The following CNGA3 variants were observed in gnomAD, a reference collection of about 807,000 sequenced individuals.
CNGA3 encodes cyclic nucleotide-gated channel alpha-3.
In CNGA3, 42 loss-of-function variants were observed where a neutral mutation model predicts 46.6. The observed-to-expected ratio is 0.90, with a 90% CI of 0.70 to 1.17. CNGA3 has a LOEUF of 1.17. Ranked by LOEUF, CNGA3 falls within the 50% of genes most tolerant of loss-of-function variation. The pLI, the probability that CNGA3 is intolerant of heterozygous loss-of-function variation, is 0.00. For missense variants in CNGA3, 893 were observed against 890.7 expected (o/e 1.00, Z -0.03); for synonymous variants, 394 against 369.4 (o/e 1.07, Z -0.76).
At chr2:98,385,817 A>C (rs1025248525) in intron 5 of CNGA3, among the ~76,000 whole-genome samples, 1 of 152,138 alleles carries the variant, frequency 6.6e-6, no homozygotes, top group African/African-American at 2.4e-5. Flanking sequence ...TCATGGTGGA[A>C]GGCAAAGGGG....
chr2:98,395,695 A>C (rs1692893798), intron 7 of CNGA3, 149 bp from the exon 8 acceptor site: 1 of 679,724 alleles, frequency 1.5e-6, no homozygotes, highest in African/African-American at 1.8e-5. Context: ...CATTTCCTGT[A>C]GTAATGGTAA....
At chr2:98,361,867 C>G (rs1692041975) in intron 1 of CNGA3, among the ~76,000 whole-genome samples, 1 of 151,946 alleles carries the variant, frequency 6.6e-6, no homozygotes, top group Admixed American at 6.5e-5. Context: ...GCCACCACCC[C>G]CAGAGAATTT....
intron 5 of CNGA3, among the ~76,000 whole-genome samples, chr2:98,386,476 G>A (rs977367677): frequency 3.3e-5 from 5 of 152,272 alleles, no homozygotes; most frequent in South Asian, 2.1e-4. Flanking sequence ...GACTCTTTGC[G>A]TGCCGCCACG....
intron 7 of CNGA3, among the ~76,000 whole-genome samples, chr2:98,393,288 G>T (rs1692833441): frequency 6.6e-6 from 1 of 152,170 alleles, no homozygotes; most frequent in Non-Finnish European, 1.5e-5. Flanking sequence ...AACACCAGCA[G>T]ATCACAGTAG....
chr2:98,390,966 T>A (rs1574386457), intron 6 of CNGA3, among the ~76,000 whole-genome samples: 1 of 151,946 alleles, frequency 6.6e-6, no homozygotes, highest in East Asian at 1.9e-4. Flanking sequence ...GTATGCAAAA[T>A]GAGGATGCAG....
chr2:98,391,973 G>A lies in CNGA3; in HGVS notation c.673+3G>A. The A allele has an allele frequency of 6.2e-7, 1 of 1,613,320 alleles. No homozygotes were observed. The highest frequency in any genetic ancestry group is 8.5e-7 in the Non-Finnish European group (1 of 1,179,690). On this transcript the variant is annotated splice_donor_region_variant and intron_variant, in intron 7 of 7. Coordinates refer to ENST00000272602, the MANE Select transcript of CNGA3 (RefSeq NM_001298.3). ...TGTGCTTGTACGAGCTCGGACAGGT[G>A]AGTGTGCCCCAGGCCTGGGGAGGGG...
intron 1 of CNGA3, among the ~76,000 whole-genome samples, chr2:98,367,028 A>C (rs1240427517): frequency 6.6e-6 from 1 of 152,052 alleles, no homozygotes; most frequent in Non-Finnish European, 1.5e-5. Flanking sequence ...CCAGGTGGGC[A>C]GGCGCTCCAC....
rs747895951 is a variant in CNGA3, at chr2:98,396,656, C to G, written c.1486C>G (p.Leu496Val). Residue 496 changes from leucine to valine, a missense_variant, in exon 8 of 8, where the codon CTG becomes GTG. By Grantham distance (32) the Leu-to-Val change is conservative (BLOSUM62 1). Around this residue, in one of 3 missense-constraint regions of CNGA3, gnomAD observed 548 missense variants for 570.8 expected, o/e 0.96. Transcript: ENST00000272602. ...GGCAGGGCTGCTGGTGGAGCTGGTGCTGAAGCTGCGACCCACTGTGTTCAG... is the reference window on the plus strand; with the variant it reads ...GGCAGGGCTGCTGGTGGAGCTGGTGGTGAAGCTGCGACCCACTGTGTTCAG... ...CEAGLLVELV[L>V]KLRPTVFSPG... 1.9e-6 allele frequency: 3 copies of G among 1,613,988 alleles called. No homozygotes were observed. The African/African-American group carries it at 4.0e-5, about 22-fold the overall frequency.
chr2:98,357,198 T>C (rs1315076127), intron 1 of CNGA3, among the ~76,000 whole-genome samples: 3 of 152,156 alleles, frequency 2.0e-5, no homozygotes, highest in African/African-American at 7.2e-5. Context: ...AGTACAAGAA[T>C]AACTGGAATA....
chr2:98,366,447 CG>C (rs1692153822), intron 1 of CNGA3, among the ~76,000 whole-genome samples: 1 of 152,142 alleles, frequency 6.6e-6, no homozygotes, highest in South Asian at 2.1e-4. Flanking sequence ...GCTGCACTTG[CG>C]GGGGATCCCA....
At chr2:98,379,018 G>C (rs1402617615) in intron 3 of CNGA3, among the ~76,000 whole-genome samples, 3 of 152,222 alleles carry the variant, frequency 2.0e-5, no homozygotes, top group African/African-American at 7.2e-5. Flanking sequence ...AGAGGCCTGA[G>C]TGGCTCTCTG....
Position 98,396,559 on chromosome 2 carries a change from G to A in CNGA3, c.1389G>A (p.Lys463=). ...AGGTGCTCAAGAGCCTCCCAGACAAGCTGAAGGCTGAGATCGCCATCAACG... is the reference window on the plus strand; with the variant it reads ...AGGTGCTCAAGAGCCTCCCAGACAAACTGAAGGCTGAGATCGCCATCAACG... ...EKEVLKSLPD[K]LKAEIAINVH... The change falls in exon 8 of 8, where the codon AAG becomes AAA. Residue 463 remains lysine, a synonymous_variant. Transcript: ENST00000272602. The A allele has an allele frequency of 6.2e-7, 1 of 1,614,018 alleles. No individual in the cohort carries two copies. Among genetic ancestry groups the A allele is most frequent in the Non-Finnish European group, 8.5e-7 (1 of 1,179,968 alleles).
intron 5 of CNGA3, among the ~76,000 whole-genome samples, chr2:98,387,602 C>A (rs1266344290): frequency 6.6e-6 from 1 of 152,192 alleles, no homozygotes; most frequent in Non-Finnish European, 1.5e-5. Context: ...TGAAGAAAAA[C>A]CTGCAGTCAC....
rs138921037 is a variant in CNGA3, at chr2:98,395,947, C to T, written c.777C>T (p.Thr259=). 104 of 1,614,150 alleles carry T rather than the reference C, an allele frequency of 6.4e-5. 1 individual carries two copies. In the African/African-American group the frequency reaches 9.1e-4, roughly 14 times the overall value. ...TGGATGTGTTGTCCCTGGTCCCCAC[C>T]GACCTGGCTTACTTAAAGGTGGGCA... ...FKLDVLSLVP[T]DLAYLKVGTN... Residue 259 remains threonine, a synonymous_variant, in exon 8 of 8, where the codon ACC becomes ACT. Coordinates refer to ENST00000272602, the MANE Select transcript of CNGA3 (RefSeq NM_001298.3).
chr2:98,379,981 T>C (rs902261950), intron 3 of CNGA3, 194 bp from the exon 4 acceptor site: 18 of 643,452 alleles, frequency 2.8e-5, no homozygotes, highest in Non-Finnish European at 3.8e-5. Flanking sequence ...GGATAAACGG[T>C]CCCCATGGGG....
intron 2 of CNGA3, among the ~76,000 whole-genome samples, chr2:98,375,294 C>A (rs1405682398): frequency 6.6e-6 from 1 of 152,244 alleles, no homozygotes; most frequent in Non-Finnish European, 1.5e-5. Flanking sequence ...GGGCCGACTG[C>A]TTGGTGCCTA....
intron 6 of CNGA3, among the ~76,000 whole-genome samples, 157 bp from the exon 7 acceptor site, chr2:98,391,707 A>G (rs1356049273): frequency 6.6e-6 from 1 of 152,180 alleles, no homozygotes; most frequent in Non-Finnish European, 1.5e-5. Context: ...TCTCATCAGA[A>G]GCGGGGGTGA....
Position 98,389,736 on chromosome 2 carries a change from C to T in CNGA3, c.528C>T (p.Ala176=). 1.2e-6 allele frequency: 2 copies of T among 1,613,562 alleles called. No individual in the cohort carries two copies. The highest frequency in any genetic ancestry group is 1.7e-6 in the Non-Finnish European group (2 of 1,180,018). Reference sequence around the variant, plus strand: ...ACTACCGCTGGCTGACCGCCATCGCCCTGCCTGTCTTCTATAACTGGTATC... The same window carrying T: ...ACTACCGCTGGCTGACCGCCATCGCTCTGCCTGTCTTCTATAACTGGTATC... ...NLYYRWLTAI[A]LPVFYNWYLL... The change falls in exon 6 of 8, where the codon GCC becomes GCT. Residue 176 remains alanine, a synonymous_variant. Coordinates refer to ENST00000272602, the MANE Select transcript of CNGA3 (RefSeq NM_001298.3).
rs1409276163 is a variant in CNGA3, at chr2:98,397,275, T to C, written c.*20T>C. 13 of 1,611,702 alleles carry C rather than the reference T, an allele frequency of 8.1e-6. No individual in the cohort carries two copies. Among genetic ancestry groups the C allele is most frequent in the Non-Finnish European group, 1.0e-5 (12 of 1,178,932 alleles). The stretch of plus-strand genomic sequence containing the variant: ...CAGTGAAAATGCAGCATCTGTCTCC[T>C]GCTTCACAGGGTCGACTGTCAGGGT... On this transcript the variant is annotated 3_prime_UTR_variant, in exon 8 of 8. Coordinates refer to ENST00000272602, the MANE Select transcript of CNGA3 (RefSeq NM_001298.3).
Sources: allele counts gnomAD v4.1 joint callset (sites outside exome capture counted in the v4.1 genomes callset), GRCh38; gene constraint gnomAD v4.1.1; regional missense constraint gnomAD v4.1.1; transcripts MANE v1.5; gene names NCBI Gene and HGNC (gene_info 2026-07-23, HGNC 2026-07-21).